The following ARHGAP15 variants were observed in gnomAD, a reference collection of about 807,000 sequenced individuals.
ARHGAP15 encodes the protein rho GTPase-activating protein 15.
Under a neutral mutation model 63.7 loss-of-function variants are expected in ARHGAP15, and 51 were observed. The ratio of observed to expected loss-of-function variants is 0.80; its 90% CI spans 0.64 to 1.01. The LOEUF is 1.01. Among genes scored for constraint, ARHGAP15 ranks in the 50% least tolerant of loss-of-function variants. ARHGAP15 has a pLI of 0.00. For synonymous variants in ARHGAP15, 191 were observed against 193.8 expected, an observed-to-expected ratio of 0.99 and a Z score of 0.12; for missense variants, 560 against 564.6, an observed-to-expected ratio of 0.99 and a Z score of 0.08.
chr2:143,176,440 A>C (rs1276601451), intron 2 of ARHGAP15, among the ~76,000 whole-genome samples: 1 of 152,154 alleles, frequency 6.6e-6, no homozygotes, highest in African/African-American at 2.4e-5. Flanking sequence ...TGAATAAATT[A>C]ATAATTATAT....
chr2:143,526,161 T>C (rs1170458011), intron 10 of ARHGAP15, among the ~76,000 whole-genome samples: 3 of 151,512 alleles, frequency 2.0e-5, no homozygotes, highest in Non-Finnish European at 2.9e-5. Context: ...ACAGAGTTTA[T>C]CTATGTCTAG....
At chr2:143,678,761 T>C (rs1012532471) in intron 12 of ARHGAP15, among the ~76,000 whole-genome samples, 1 of 152,212 alleles carries the variant, frequency 6.6e-6, no homozygotes, top group African/African-American at 2.4e-5. Flanking sequence ...TGGAAAGAGA[T>C]TGTCAAGTTT....
At chr2:143,539,994 A>G (rs1694970539) in intron 10 of ARHGAP15, among the ~76,000 whole-genome samples, 1 of 152,140 alleles carries the variant, frequency 6.6e-6, no homozygotes, top group Non-Finnish European at 1.5e-5. Context: ...AAAATCTCCC[A>G]TTATTATTGT....
At position 143,421,792 on chromosome 2, in the gene ARHGAP15, ATATATATATG is replaced by A. The variant is rs1442872898; in HGVS notation, c.475-13807_475-13798del. Among the ~76,000 whole-genome samples, 5 of 7,848 alleles carry A rather than the reference ATATATATATG, an allele frequency of 6.4e-4. No individual in the cohort carries two copies. In the South Asian group the frequency reaches 0.015, roughly 23 times the overall value. 5.1% of individuals were successfully genotyped at this position (7,848 alleles called of 152,430 possible). A position where few individuals can be genotyped will look rare whatever the true frequency, so the allele number is the denominator to read the frequency against. The stretch of plus-strand genomic sequence containing the variant: ...TATATATATATATATATATATATAT[ATATATATATG>A]TGTGTGTTTCATTATTATACATTGA... On this transcript the variant is annotated intron_variant, in intron 6 of 13. Transcript: ENST00000295095.
chr2:143,438,793 A>G (rs1177573263), intron 8 of ARHGAP15, among the ~76,000 whole-genome samples: 1 of 152,168 alleles, frequency 6.6e-6, no homozygotes, highest in African/African-American at 2.4e-5. Context: ...TTGGGAGTAT[A>G]TATTTAGTGT....
At chr2:143,750,566 G>C (rs1449466475) in intron 13 of ARHGAP15, among the ~76,000 whole-genome samples, 1 of 152,156 alleles carries the variant, frequency 6.6e-6, no homozygotes, top group African/African-American at 2.4e-5. Context: ...AGAATCTGAG[G>C]CTCAGAGAAA....
intron 13 of ARHGAP15, among the ~76,000 whole-genome samples, chr2:143,718,579 A>G (rs897531659): frequency 1.3e-5 from 2 of 152,152 alleles, no homozygotes; most frequent in Middle Eastern, 3.2e-3. Context: ...AGGTTCCTGT[A>G]TCTTATTTCT....
intron 6 of ARHGAP15, among the ~76,000 whole-genome samples, chr2:143,290,867 G>C (rs905111437): frequency 6.6e-6 from 1 of 152,142 alleles, no homozygotes; most frequent in African/African-American, 2.4e-5. Context: ...GAGTATGATA[G>C]CCGGCAGCAG....
chr2:143,408,261 A>G (rs1688298124), intron 6 of ARHGAP15, among the ~76,000 whole-genome samples: 1 of 147,966 alleles, frequency 6.8e-6, no homozygotes, highest in South Asian at 2.1e-4. Flanking sequence ...CTCTCTTTTC[A>G]TATTCTTAAT....
rs1010176175 is a variant in ARHGAP15 at position 143,228,650 on chromosome 2, A to ACAGGCT, written c.368_373dup (p.Gln123_Ala124dup). 6.2e-7 allele frequency: 1 copy of ACAGGCT among 1,603,678 alleles called. No homozygotes were observed. Among genetic ancestry groups the ACAGGCT allele is most frequent in the African/African-American group, 1.3e-5 (1 of 74,514 alleles). ...TTGAATTTTACAAAGAATCCAAGCA[A>ACAGGCT]CAGGCTCTGTCCAATATGGTAAGTA... On this transcript the variant is annotated inframe_insertion, in exon 5 of 14. Coordinates refer to ENST00000295095, the MANE Select transcript of ARHGAP15 (RefSeq NM_018460.4).
intron 6 of ARHGAP15, among the ~76,000 whole-genome samples, chr2:143,399,457 T>C (rs1687907563): frequency 6.6e-6 from 1 of 152,012 alleles, no homozygotes; most frequent in South Asian, 2.1e-4. Context: ...TAATGGTTTA[T>C]GTTCCATAAG....
Position 143,552,588 on chromosome 2 carries a change from T to C in ARHGAP15, c.926-3820T>C, listed in dbSNP as rs146201993. Among the ~76,000 whole-genome samples, 1,497 of 152,152 alleles carry C rather than the reference T, an allele frequency of 9.8e-3. 13 individuals carry two copies. Among genetic ancestry groups the C allele is most frequent in the Middle Eastern group, 0.041 (12 of 294 alleles). The stretch of plus-strand genomic sequence containing the variant: ...CGGGGTGGGGAGGCAGGGGAAGACT[T>C]TTAAAAATCCCCTACAGCAATACCC... On this transcript the variant is annotated intron_variant, in intron 10 of 13. Coordinates refer to ENST00000295095, the MANE Select transcript of ARHGAP15 (RefSeq NM_018460.4).
chr2:143,137,203 G>T (rs1457999140), intron 1 of ARHGAP15, among the ~76,000 whole-genome samples: 3 of 151,848 alleles, frequency 2.0e-5, no homozygotes, highest in African/African-American at 7.3e-5. Flanking sequence ...TTATTTTTCA[G>T]TGTTTAGTGG....
At chr2:143,382,253 TA>T (rs1687091826) in intron 6 of ARHGAP15, among the ~76,000 whole-genome samples, 1 of 152,132 alleles carries the variant, frequency 6.6e-6, no homozygotes, top group Non-Finnish European at 1.5e-5. Flanking sequence ...AAAACAACAG[TA>T]ACCTCTTGTC....
At chr2:143,656,271 GCTT>G (rs1183289937) in intron 12 of ARHGAP15, 1 of 152,160 alleles carries the variant, frequency 6.6e-6, no homozygotes, top group African/African-American at 2.4e-5. Flanking sequence ...AAAGCATTTG[GCTT>G]CTTGTGTCTT....
chr2:143,213,739 A>G (rs997122560), intron 3 of ARHGAP15, among the ~76,000 whole-genome samples: 3 of 152,224 alleles, frequency 2.0e-5, no homozygotes, highest in Non-Finnish European at 4.4e-5. Flanking sequence ...GGAAAATGAT[A>G]TAAGAGAAGA....
In ARHGAP15 at chr2:143,550,895, C is replaced by T. The variant is rs148366831; in HGVS notation, c.926-5513C>T. The stretch of plus-strand genomic sequence containing the variant: ...ATAAACAAACGCATAAAGAATAAAA[C>T]TGGGAAGGGAAGTGGTAGAGAGAAG... On this transcript the variant is annotated intron_variant, in intron 10 of 13. Transcript: ENST00000295095. Among the ~76,000 whole-genome samples, 10 of 152,104 alleles carry T rather than the reference C, an allele frequency of 6.6e-5. No individual in the cohort carries two copies. In the East Asian group the frequency reaches 1.9e-3, roughly 29 times the overall value.
chr2:143,543,232 C>G (rs1486813136), intron 10 of ARHGAP15, among the ~76,000 whole-genome samples: 1 of 152,014 alleles, frequency 6.6e-6, no homozygotes, highest in Non-Finnish European at 1.5e-5. Context: ...TTAATAATAG[C>G]CATTCTATCA....
At chr2:143,223,689 C>T (rs7580937) in intron 4 of ARHGAP15, among the ~76,000 whole-genome samples, 18,994 of 152,086 alleles carry the variant, frequency 0.12, 1,308 homozygotes, top group Middle Eastern at 0.24. Context: ...TCTAGTACTT[C>T]CCTGACAAGT....
Sources: allele counts gnomAD v4.1 joint callset (sites outside exome capture counted in the v4.1 genomes callset), GRCh38; gene constraint gnomAD v4.1.1; transcripts MANE v1.5; gene names NCBI Gene and HGNC (gene_info 2026-07-23, HGNC 2026-07-21).